GRIK4: variants seen among roughly 807,000 people sequenced by gnomAD.
GRIK4 encodes glutamate receptor ionotropic, kainate 4.
Under a neutral mutation model 104.9 loss-of-function variants are expected in GRIK4, and 40 were observed. The observed-to-expected ratio is 0.38, with a 90% confidence interval of 0.30 to 0.50. The LOEUF is 0.50. GRIK4 is among the 20% of genes least tolerant of loss of function. GRIK4 has a pLI of 0.93. For missense variants in GRIK4, 1,047 were observed against 1,308.1 expected, an observed-to-expected ratio of 0.80 and a Z score of 3.08; for synonymous variants, 485 against 524.9, an observed-to-expected ratio of 0.92 and a Z score of 1.04.
intron 11 of GRIK4, among the ~76,000 whole-genome samples, chr11:120,881,367 A>G (rs532420384): frequency 6.6e-6 from 1 of 152,222 alleles, no homozygotes; most frequent in African/African-American, 2.4e-5. Context: ...TAGAAATTAG[A>G]CCTGAGCCAC....
chr11:120,721,241 A>C (rs1411410395), intron 3 of GRIK4, among the ~76,000 whole-genome samples: 1 of 152,196 alleles, frequency 6.6e-6, no homozygotes, highest in Non-Finnish European at 1.5e-5. Flanking sequence ...AGTCAACAAA[A>C]TCAAATCCTT....
intron 1 of GRIK4, among the ~76,000 whole-genome samples, chr11:120,581,056 C>G (rs756679142): frequency 9.9e-5 from 15 of 152,092 alleles, no homozygotes; most frequent in Middle Eastern, 3.4e-3. Context: ...ATTTGCCAAC[C>G]CTGTATCTTT....
chr11:120,878,131 G>A (rs994465478), intron 11 of GRIK4, among the ~76,000 whole-genome samples: 2 of 152,334 alleles, frequency 1.3e-5, no homozygotes, highest in Admixed American at 1.3e-4. Context: ...GCCAGCAAGG[G>A]ACCGTGCCCT....
At chr11:120,846,911 C>T (rs1953865763) in intron 8 of GRIK4, among the ~76,000 whole-genome samples, 1 of 152,166 alleles carries the variant, frequency 6.6e-6, no homozygotes. Context: ...GCTGGCTCAT[C>T]CCTGCAGTGC....
chr11:120,639,070 C>T (rs912595563), intron 1 of GRIK4, among the ~76,000 whole-genome samples: 26 of 151,922 alleles, frequency 1.7e-4, no homozygotes, highest in Non-Finnish European at 3.1e-4. Flanking sequence ...TGGTGGTGGG[C>T]GCCTGTAATC....
chr11:120,698,309 G>A (rs1339591745), intron 3 of GRIK4, among the ~76,000 whole-genome samples: 2 of 152,142 alleles, frequency 1.3e-5, no homozygotes. Context: ...GAAATATCCC[G>A]AGTTTCCAGA....
intron 3 of GRIK4, among the ~76,000 whole-genome samples, chr11:120,775,181 A>G (rs1952017522): frequency 6.6e-6 from 1 of 152,074 alleles, no homozygotes; most frequent in African/African-American, 2.4e-5. Context: ...GGGCCTCTGT[A>G]TTTCTTCTGC....
chr11:120,798,582 C>T (rs1375027867), intron 3 of GRIK4, among the ~76,000 whole-genome samples: 4 of 152,220 alleles, frequency 2.6e-5, no homozygotes, highest in South Asian at 4.2e-4. Flanking sequence ...TGGGTTCAAG[C>T]GGTTCTCGTG....
At chr11:120,697,977 G>A (rs544436405) in intron 3 of GRIK4, among the ~76,000 whole-genome samples, 4 of 152,136 alleles carry the variant, frequency 2.6e-5, no homozygotes, top group East Asian at 1.9e-4. Context: ...CCCCTTTCCC[G>A]AGTCTCTGGG....
chr11:120,874,491 G>A (rs1291922447), intron 10 of GRIK4, among the ~76,000 whole-genome samples: 1 of 152,194 alleles, frequency 6.6e-6, no homozygotes, highest in African/African-American at 2.4e-5. Context: ...CTGAATTCCA[G>A]ACTTAGCACC....
At chr11:120,941,669 CAT>C in intron 14 of GRIK4, among the ~76,000 whole-genome samples, 1 of 152,210 alleles carries the variant, frequency 6.6e-6, no homozygotes, top group Middle Eastern at 3.4e-3. Context: ...AACACAGACA[CAT>C]AGAGGAGAAT....
chr11:120,525,565 G>T (rs952709685), intron 1 of GRIK4, among the ~76,000 whole-genome samples: 2 of 152,208 alleles, frequency 1.3e-5, no homozygotes, highest in African/African-American at 4.8e-5. Flanking sequence ...CAGCAGGGGT[G>T]TTACAGAAAC....
chr11:120,687,217 G>A (rs1010922292), intron 3 of GRIK4, among the ~76,000 whole-genome samples: 1 of 152,182 alleles, frequency 6.6e-6, no homozygotes, highest in Non-Finnish European at 1.5e-5. Flanking sequence ...AGTGAAGCGG[G>A]TTCCCCAGGC....
intron 3 of GRIK4, among the ~76,000 whole-genome samples, chr11:120,698,038 G>A (rs1950484203): frequency 1.3e-5 from 2 of 152,140 alleles, no homozygotes; most frequent in African/African-American, 2.4e-5. Flanking sequence ...AGGCAGGGGG[G>A]CAGTGTGCCA....
chr11:120,680,967 T>C (rs1191667046), intron 3 of GRIK4, among the ~76,000 whole-genome samples: 1 of 152,168 alleles, frequency 6.6e-6, no homozygotes, highest in African/African-American at 2.4e-5. Context: ...GGACTGTGTG[T>C]GCTTGGCCCA....
At chr11:120,587,857 GA>G (rs199735621) in intron 1 of GRIK4, among the ~76,000 whole-genome samples, 1,914 of 152,334 alleles carry the variant, frequency 0.013, 35 homozygotes, top group African/African-American at 0.044. Flanking sequence ...AATTGGGTGG[GA>G]GGAGCAGGGC....
intron 11 of GRIK4, among the ~76,000 whole-genome samples, chr11:120,892,436 A>C (rs1355548424): frequency 6.6e-6 from 1 of 152,144 alleles, no homozygotes; most frequent in Non-Finnish European, 1.5e-5. Context: ...CCCAGAGTGA[A>C]TTCTAGTCCC....
intron 1 of GRIK4, among the ~76,000 whole-genome samples, chr11:120,566,020 A>G (rs1467121371): frequency 6.6e-6 from 1 of 152,210 alleles, no homozygotes. Flanking sequence ...CATTGTCTCT[A>G]GGATAAAAAT....
chr11:120,725,893 T>C (rs1398154027), intron 3 of GRIK4, among the ~76,000 whole-genome samples: 2 of 152,112 alleles, frequency 1.3e-5, no homozygotes, highest in Non-Finnish European at 2.9e-5. Flanking sequence ...AGAATTCTAG[T>C]GATGGTGGTG....
Sources: allele counts gnomAD v4.1 joint callset (sites outside exome capture counted in the v4.1 genomes callset), GRCh38; gene constraint gnomAD v4.1.1; transcripts MANE v1.5; gene names NCBI Gene and HGNC (gene_info 2026-07-23, HGNC 2026-07-21).